TAF6L: variants seen among roughly 807,000 people sequenced by gnomAD.
The protein encoded by TAF6L is TAF6-like RNA polymerase II p300/CBP-associated factor-associated factor 65 kDa subunit 6L.
A neutral mutation model predicts 57.3 loss-of-function variants in TAF6L; 34 were observed. That is an observed-to-expected ratio of 0.59 (90% CI 0.45 to 0.79). The LOEUF (loss-of-function observed/expected upper bound fraction) is 0.79. TAF6L is among the 30% of genes least tolerant of loss of function. The pLI is 0.00. For synonymous variants in TAF6L, 417 were observed against 376.3 expected (o/e 1.11, Z -1.25); for missense variants, 782 against 853.2 (o/e 0.92, Z 1.04).
rs2084234934 is a variant in TAF6L at position 62,782,175 on chromosome 11, A to G, written c.669A>G (p.Leu223=). 1 of 1,613,946 alleles carries G rather than the reference A, an allele frequency of 6.2e-7. No homozygotes were observed. The highest frequency in any genetic ancestry group is 1.1e-5 in the South Asian group (1 of 91,078). Residue 223 remains leucine (L), a synonymous_variant, in exon 8 of 11, where the codon CTA becomes CTG. Coordinates refer to ENST00000294168, the MANE Select transcript of TAF6L (RefSeq NM_006473.4). ...LHRLLQVARS[L]FRNPHLCLGP... ...GGCTGCTGCAGGTGGCACGGAGCCT[A>G]TTTCGTAATCCGCACCTGTGCTTGG...
rs1044167559 is a variant in TAF6L at position 62,773,530 on chromosome 11, C to T, written c.-14+2040C>T. Among the ~76,000 whole-genome samples, 8 of 151,684 alleles carry T rather than the reference C, an allele frequency of 5.3e-5. 1 individual carries two copies. In the East Asian group the frequency reaches 1.5e-3, roughly 29 times the overall value. On this transcript the variant is annotated intron_variant, in intron 1 of 10. Transcript: ENST00000294168. Reference sequence around the variant, plus strand: ...TGGTGCGATCTTGACTCACTGCAACCTCTGTCTCACGGGTTCAAGCGATTC... The same window carrying T: ...TGGTGCGATCTTGACTCACTGCAACTTCTGTCTCACGGGTTCAAGCGATTC...
chr11:62,784,583 G>C (rs554986953), intron 9 of TAF6L, among the ~76,000 whole-genome samples: 1 of 152,266 alleles, frequency 6.6e-6, no homozygotes, highest in East Asian at 1.9e-4. Context: ...TGGGATTACA[G>C]GTGTGAGCCA....
Position 62,782,787 on chromosome 11 carries a change from T to C in TAF6L, c.922T>C (p.Tyr308His). ...ADPVRPLCCH[Y>H]GAVVGLHALG... ...TCCTGTGCGGCCGCTCTGCTGCCAC[T>C]ATGGAGCCGTGGTGGGGCTGCATGC... Residue 308 changes from tyrosine to histidine, a missense_variant, in exon 9 of 11, where the codon TAT becomes CAT. Physicochemically the swap from Tyr to His is moderately conservative, Grantham distance 83. Coordinates refer to ENST00000294168, the MANE Select transcript of TAF6L (RefSeq NM_006473.4). 1 of 1,613,794 alleles carries C rather than the reference T, an allele frequency of 6.2e-7. No individual in the cohort carries two copies. The highest frequency in any genetic ancestry group is 8.5e-7 in the Non-Finnish European group (1 of 1,180,032).
intron 9 of TAF6L, 167 bp from the exon 10 acceptor site, chr11:62,786,093 A>G (rs1156652305): frequency 7.6e-6 from 6 of 790,834 alleles, no homozygotes; most frequent in African/African-American, 1.7e-5. Flanking sequence ...GCTTAGGTAT[A>G]CAGTAGGTTC....
chr11:62,772,523 C>CA (rs556866279), intron 1 of TAF6L, among the ~76,000 whole-genome samples: 1,719 of 73,884 alleles, frequency 0.023, 14 homozygotes, highest in Middle Eastern at 0.045. Flanking sequence ...ACTGTGTCTC[C>CA]AAAAAAAAAA....
At chr11:62,772,832 C>T (rs1361706762) in intron 1 of TAF6L, among the ~76,000 whole-genome samples, 2 of 148,818 alleles carry the variant, frequency 1.3e-5, no homozygotes, top group East Asian at 2.0e-4. Flanking sequence ...AATAGTTCTT[C>T]TTTCTTTCTT....
At chr11:62,774,000 G>T (rs2134697356) in intron 1 of TAF6L, among the ~76,000 whole-genome samples, 1 of 152,126 alleles carries the variant, frequency 6.6e-6, no homozygotes, top group East Asian at 1.9e-4. Context: ...CAAGAAAGTA[G>T]GAGATAAGAG....
chr11:62,787,258 T>G lies in TAF6L; in HGVS notation c.1831T>G (p.Trp611Gly), dbSNP rs1398188531. ...CCGTACCAGCCGCCCCGCCCGCCGG[T>G]GGGCGCTCTCGGACTACTCGCTGTA... The part of the protein sequence containing the change: ...IGRTSRPARR[W>G]ALSDYSLYLP... The change falls in exon 11 of 11, where the codon TGG (tryptophan) becomes GGG (glycine). Residue 611 changes from tryptophan to glycine, a missense_variant. Trp to Gly is a radical substitution (Grantham distance 184). Around this residue, in one of 3 missense-constraint regions of TAF6L, gnomAD observed 483 missense variants for 445.1 expected, o/e 1.09. Coordinates refer to ENST00000294168, the MANE Select transcript of TAF6L (RefSeq NM_006473.4). 4 of 1,566,504 alleles carry G rather than the reference T, an allele frequency of 2.6e-6. No individual in the cohort carries two copies. Among genetic ancestry groups the G allele is most frequent in the South Asian group, 1.1e-5 (1 of 87,850 alleles).
chr11:62,778,747 G>A, intron 5 of TAF6L, 122 bp from the exon 6 acceptor site: 1 of 835,940 alleles, frequency 1.2e-6, no homozygotes, highest in Admixed American at 1.8e-5. Context: ...TGCCCTGGTT[G>A]TCCTGTCAGA....
Position 62,776,309 on chromosome 11 carries a change from G to A in TAF6L, c.148-75G>A. The A allele has an allele frequency of 2.7e-6, 4 of 1,468,150 alleles. No homozygotes were observed. In the South Asian group the frequency reaches 4.6e-5, roughly 17 times the overall value. The allele number at this position is 1,468,150 out of a possible 1,614,324, so 90.9% of individuals were successfully genotyped here. On this transcript the variant is annotated intron_variant, in intron 2 of 10. Transcript: ENST00000294168. Reference sequence around the variant, plus strand: ...TCCTGTTTGCCTTCTCTCCAGTCTGGCCCACTTCATTTGGGGTTTCCCATG... The same window carrying A: ...TCCTGTTTGCCTTCTCTCCAGTCTGACCCACTTCATTTGGGGTTTCCCATG...
At chr11:62,776,096 C>T (rs897374768) in intron 2 of TAF6L, among the ~76,000 whole-genome samples, 166 bp downstream of exon 2, 3 of 152,230 alleles carry the variant, frequency 2.0e-5, no homozygotes, top group African/African-American at 7.2e-5. Flanking sequence ...GGGCTTCCAG[C>T]AGACAAAGCG....
rs780874776 is a variant in TAF6L, at chr11:62,787,166, C to T, written c.1739C>T (p.Thr580Ile). 1.9e-6 allele frequency: 3 copies of T among 1,581,784 alleles called. No individual in the cohort carries two copies. The highest frequency in any genetic ancestry group is 2.6e-6 in the Non-Finnish European group (3 of 1,173,148). Residue 580 changes from threonine to isoleucine, a missense_variant, in exon 11 of 11, where the codon ACT becomes ATT. Coordinates refer to ENST00000294168, the MANE Select transcript of TAF6L (RefSeq NM_006473.4). The stretch of plus-strand genomic sequence containing the variant: ...CGCTGCCGCGGGCGCCTTTTCCAGA[C>T]TGCCTTCCCCGCGCCGTACGGGCCT... ...GRRCRGRLFQTAFPAPYGPSP... is the reference protein window; with the variant it reads ...GRRCRGRLFQIAFPAPYGPSP...
intron 6 of TAF6L, among the ~76,000 whole-genome samples, chr11:62,780,102 T>C (rs540170531): frequency 4.7e-5 from 7 of 150,534 alleles, no homozygotes; most frequent in Non-Finnish European, 8.9e-5. Flanking sequence ...GCGGATCACT[T>C]GAAGTCAGGA....
intron 1 of TAF6L, among the ~76,000 whole-genome samples, chr11:62,774,886 C>T (rs1205914504): frequency 7.3e-6 from 1 of 137,058 alleles, no homozygotes; most frequent in Middle Eastern, 4.0e-3. Context: ...AACAAAACTC[C>T]GTCTCAAAAA....
At chr11:62,782,592 C>A in intron 8 of TAF6L, 101 bp from the exon 9 acceptor site, 1 of 1,500,440 alleles carries the variant, frequency 6.7e-7, no homozygotes. Flanking sequence ...CCCAGCACTC[C>A]CGAGTGTGCT....
chr11:62,784,962 TTTC>T (rs1484571958), intron 9 of TAF6L, among the ~76,000 whole-genome samples: 1 of 152,162 alleles, frequency 6.6e-6, no homozygotes, highest in Non-Finnish European at 1.5e-5. Flanking sequence ...GTGGGGAGTA[TTTC>T]TTTTTTATAT....
At chr11:62,784,142 A>T (rs1178388291) in intron 9 of TAF6L, among the ~76,000 whole-genome samples, 5 of 139,534 alleles carry the variant, frequency 3.6e-5, no homozygotes, top group African/African-American at 1.3e-4. Flanking sequence ...GGCACGCACC[A>T]CCAGGGCCAG....
chr11:62,777,013 G>A (rs893171647), intron 3 of TAF6L, among the ~76,000 whole-genome samples: 13 of 152,002 alleles, frequency 8.6e-5, no homozygotes, highest in Non-Finnish European at 1.3e-4. Context: ...TGGCCGTGGC[G>A]GTGGGCGCCT....
At chr11:62,773,211 G>A (rs187252487) in intron 1 of TAF6L, among the ~76,000 whole-genome samples, 2,914 of 150,658 alleles carry the variant, frequency 0.019, 80 homozygotes, top group African/African-American at 0.066. Context: ...GCAGTGGTGC[G>A]ATCTTGGCTC....
Sources: allele counts gnomAD v4.1 joint callset (sites outside exome capture counted in the v4.1 genomes callset), GRCh38; gene constraint gnomAD v4.1.1; regional missense constraint gnomAD v4.1.1; transcripts MANE v1.5; gene names NCBI Gene and HGNC (gene_info 2026-07-23, HGNC 2026-07-21).